FBLIM1: variants seen among roughly 807,000 people sequenced by gnomAD.
FBLIM1 encodes the protein filamin binding LIM protein 1, also known as filamin-binding LIM protein 1.
In FBLIM1, 29 loss-of-function variants were observed where a neutral mutation model predicts 37.4. The ratio of observed to expected loss-of-function variants is 0.77; its 90% CI spans 0.58 to 1.06. FBLIM1 has a LOEUF of 1.06. Ranked by LOEUF, FBLIM1 falls within the 50% of genes least tolerant of loss-of-function variation. The probability of loss-of-function intolerance (pLI) is 0.00; values close to 1 mark genes in which losing one functional copy is unlikely to be tolerated. For missense variants in FBLIM1, 449 were observed against 505.6 expected (o/e 0.89, Z 1.07); for synonymous variants, 193 against 199.0 (o/e 0.97, Z 0.25).
chr1:15,758,434 G>T (rs1419485181), upstream of FBLIM1: 2 of 152,202 alleles, frequency 1.3e-5, no homozygotes, highest in Non-Finnish European at 2.9e-5. This position sits in a 1 kb window ranked among gnomAD's most constrained non-coding sequence, Gnocchi z 6.2. Flanking sequence ...GAACGCGAGG[G>T]GATGGGCAGC....
At position 15,784,758 on chromosome 1, in the gene FBLIM1, T is replaced by G; in HGVS notation, c.*97T>G. On this transcript the variant is annotated 3_prime_UTR_variant, in exon 9 of 9. Transcript: ENST00000375766. Reference sequence around the variant, plus strand: ...AACCTGCTCTTGCACACTTTCCTTCTGAGCCTCCATGGAGACCAGCCTGCA... The same window carrying G: ...AACCTGCTCTTGCACACTTTCCTTCGGAGCCTCCATGGAGACCAGCCTGCA... The G allele has an allele frequency of 9.3e-7, 1 of 1,073,486 alleles. No homozygotes were observed. The allele number at this position is 1,073,486 out of a possible 1,614,324, so 66.5% of individuals were successfully genotyped here.
upstream of FBLIM1, chr1:15,758,659 C>T (rs1016439398): frequency 1.3e-5 from 2 of 151,128 alleles, no homozygotes; most frequent in Admixed American, 6.6e-5. This position sits in a 1 kb window ranked among gnomAD's most constrained non-coding sequence, Gnocchi z 6.2. Flanking sequence ...GGGCCGCTTC[C>T]GCGGGGCGGG....
chr1:15,767,623 G>A lies in FBLIM1; in HGVS notation c.438+60G>A, dbSNP rs561081656. 3.3e-5 allele frequency: 20 copies of A among 598,600 alleles called. No homozygotes were observed. The African/African-American group carries it at 3.9e-4, about 12-fold the overall frequency. 37.1% of individuals were successfully genotyped at this position (598,600 alleles called of 1,614,324 possible). On this transcript the variant is annotated intron_variant, in intron 4 of 8. Coordinates refer to ENST00000375766, the MANE Select transcript of FBLIM1 (RefSeq NM_017556.4). ...GGTCCCCTTGGTTGGGGCACGGGGA[G>A]TCTGGGCCTTCTGGGCATTCAGGGG...
intron 6 of FBLIM1, among the ~76,000 whole-genome samples, chr1:15,770,997 T>C (rs2069175724): frequency 1.3e-5 from 2 of 152,140 alleles, no homozygotes; most frequent in South Asian, 4.1e-4. Context: ...TGGAGTGCAG[T>C]GGCACGATGT....
Position 15,784,652 on chromosome 1 carries a change from GTGC to G in FBLIM1, c.1119_1121del (p.Cys373del). On this transcript the variant is annotated inframe_deletion, in exon 9 of 9. Transcript: ENST00000375766. ...GCCATGTGAAGCGGAGTGCTGCGGG[GTGC>G]TGCTGAGAGTGCCCGCTGGGCAGTG... 6.2e-7 allele frequency: 1 copy of G among 1,613,936 alleles called. No individual in the cohort carries two copies. The highest frequency in any genetic ancestry group is 8.5e-7 in the Non-Finnish European group (1 of 1,179,848).
In FBLIM1 at chr1:15,767,573, GC is replaced by G; in HGVS notation, c.438+16del. 7 of 999,794 alleles carry G rather than the reference GC, an allele frequency of 7.0e-6. No individual in the cohort carries two copies. The highest frequency in any genetic ancestry group is 1.8e-5 in the South Asian group (1 of 55,186). The allele number at this position is 999,794 out of a possible 1,614,324, so 61.9% of individuals were successfully genotyped here. On this transcript the variant is annotated intron_variant, in intron 4 of 8. Transcript: ENST00000375766. ...CCCGCCCCCACCACAGGTACTGCCT[GC>G]CCCCCGACCCCCAGCAATCCCTTGG...
chr1:15,772,036 G>A (rs1466240679), intron 6 of FBLIM1, among the ~76,000 whole-genome samples: 1 of 152,122 alleles, frequency 6.6e-6, no homozygotes. Context: ...ACTCTTGGAT[G>A]GTTTGTGGTG....
At chr1:15,767,073 A>G (rs1050031001) in intron 3 of FBLIM1, among the ~76,000 whole-genome samples, 10 of 151,588 alleles carry the variant, frequency 6.6e-5, no homozygotes, top group African/African-American at 2.4e-4. Context: ...TTTAATTTTT[A>G]GTAGAGTTGA....
intron 6 of FBLIM1, among the ~76,000 whole-genome samples, chr1:15,770,801 G>C (rs902874660): frequency 6.6e-6 from 1 of 152,226 alleles, no homozygotes; most frequent in South Asian, 2.1e-4. Flanking sequence ...AGCAGTACAC[G>C]TTTATTCTGT....
intron 3 of FBLIM1, among the ~76,000 whole-genome samples, chr1:15,767,044 C>A (rs1260079342): frequency 6.6e-6 from 1 of 152,004 alleles, no homozygotes; most frequent in African/African-American, 2.4e-5. Context: ...CTTGTGCTGC[C>A]ATGCCTGGCT....
chr1:15,768,773 T>C, intron 5 of FBLIM1, 143 bp downstream of exon 5: 1 of 512,594 alleles, frequency 2.0e-6, no homozygotes, highest in Non-Finnish European at 3.4e-6. Flanking sequence ...TAGTTCGGCA[T>C]CCATTTAATT....
At chr1:15,763,948 T>C (rs1300614691) in intron 1 of FBLIM1, among the ~76,000 whole-genome samples, 1 of 151,796 alleles carries the variant, frequency 6.6e-6, no homozygotes, top group African/African-American at 2.4e-5. Flanking sequence ...CCATGGAAGG[T>C]TTTTGAGTAA....
intron 4 of FBLIM1, 100 bp from the exon 5 acceptor site, chr1:15,768,428 A>G (rs2148538066): frequency 1.3e-6 from 1 of 751,096 alleles, no homozygotes; most frequent in Non-Finnish European, 2.0e-6. Context: ...CCTTCTCGGT[A>G]CAATGCGGCT....
chr1:15,764,814 T>G lies in FBLIM1; in HGVS notation c.-21+129T>G, dbSNP rs2068837659. On this transcript the variant is annotated intron_variant, in intron 2 of 8. Coordinates refer to ENST00000375766, the MANE Select transcript of FBLIM1 (RefSeq NM_017556.4). Reference sequence around the variant, plus strand: ...TTCCCCAGCAGGACACCCCCACCCCTTCTCTGGCTGGGCTGGGTGCTGGAC... The same window carrying G: ...TTCCCCAGCAGGACACCCCCACCCCGTCTCTGGCTGGGCTGGGTGCTGGAC... The G allele has an allele frequency of 5.1e-6, 5 of 989,628 alleles. No individual in the cohort carries two copies. In the South Asian group the frequency reaches 8.0e-5, roughly 16 times the overall value. 61.3% of individuals were successfully genotyped at this position (989,628 alleles called of 1,614,324 possible).
chr1:15,774,181 C>A (rs2069371963), intron 6 of FBLIM1, among the ~76,000 whole-genome samples: 1 of 152,090 alleles, frequency 6.6e-6, no homozygotes, highest in Admixed American at 6.6e-5. Flanking sequence ...ATAATGGTTT[C>A]TAAACGTGAA....
rs1012043014 is a variant in FBLIM1, at chr1:15,767,757, G to A, written c.438+194G>A. Reference sequence around the variant, plus strand: ...GGTAAAAATTGGTTAAGTGTTTCAGGGTCCCTGGAGAGGGATGCCACTGCC... The same window carrying A: ...GGTAAAAATTGGTTAAGTGTTTCAGAGTCCCTGGAGAGGGATGCCACTGCC... On this transcript the variant is annotated intron_variant, in intron 4 of 8. Coordinates refer to ENST00000375766, the MANE Select transcript of FBLIM1 (RefSeq NM_017556.4). Among the ~76,000 whole-genome samples the A allele has an allele frequency of 1.8e-4, 27 of 152,192 alleles. 1 individual carries two copies. Among genetic ancestry groups the A allele is most frequent in the African/African-American group, 6.3e-4 (26 of 41,538 alleles).
chr1:15,765,204 CG>C lies in FBLIM1; in HGVS notation c.223del (p.Ala75LeufsTer59), dbSNP rs2068859571. The C allele has an allele frequency of 6.2e-7, 1 of 1,613,554 alleles. No homozygotes were observed. Among genetic ancestry groups the C allele is most frequent in the East Asian group, 2.2e-5 (1 of 44,842 alleles). The stretch of plus-strand genomic sequence containing the variant: ...CCTGGCAGAGCTGCAGCCACAGTGC[CG>C]GCTGCACCTATGCAGCTCTTCAATG... Reference protein sequence around the residue: ...TTPGRAAATVPAAPMQLFNGG... With the variant: ...TTPGRAAATVXAAPMQLFNGG... On this transcript the variant is annotated frameshift_variant, in exon 3 of 9. Transcript: ENST00000375766. LOFTEE classifies it high-confidence loss of function. The surrounding 1 kb of genome is among the most constrained non-coding windows in gnomAD (Gnocchi z 5.9).
At chr1:15,779,097 G>A (rs948923973) in intron 8 of FBLIM1, among the ~76,000 whole-genome samples, 4 of 151,196 alleles carry the variant, frequency 2.6e-5, no homozygotes, top group East Asian at 3.9e-4. Flanking sequence ...CACCACGCCC[G>A]GCTAATTTTT....
chr1:15,759,225 G>A (rs2068548067), intron 1 of FBLIM1, among the ~76,000 whole-genome samples: 1 of 152,184 alleles, frequency 6.6e-6, no homozygotes, highest in Non-Finnish European at 1.5e-5. Flanking sequence ...GGTGACCCCG[G>A]CGGCCGCCCT....
Sources: gnomAD v4.1 joint callset for allele counts (sites outside exome capture counted in the v4.1 genomes callset) on GRCh38, gnomAD v4.1.1 for gene constraint, Gnocchi (gnomAD v3.1) non-coding constraint, MANE v1.5 for transcripts, NCBI Gene and HGNC (gene_info 2026-07-23, HGNC 2026-07-21) for gene names.